CCSER1: variants seen among roughly 807,000 people sequenced by gnomAD.
The protein encoded by CCSER1 is serine-rich coiled-coil domain-containing protein 1.
A neutral mutation model predicts 82.0 loss-of-function variants in CCSER1; 41 were observed. The observed-to-expected ratio is 0.50, with a 90% CI of 0.39 to 0.65. The LOEUF is 0.65. Ranked by LOEUF, CCSER1 falls within the 30% of genes least tolerant of loss-of-function variation. CCSER1 has a pLI of 0.00. For synonymous variants in CCSER1, 414 were observed against 383.9 expected (o/e 1.08, Z -0.92); for missense variants, 1,119 against 1,064.2 (o/e 1.05, Z -0.72).
intron 1 of CCSER1, among the ~76,000 whole-genome samples, chr4:90,209,560 C>T (rs1739549816): frequency 6.6e-6 from 1 of 152,072 alleles, no homozygotes; most frequent in East Asian, 1.9e-4. Flanking sequence ...AAAAATAATA[C>T]TAGATTTCTC....
At chr4:90,841,577 C>CAAAA (rs750390139) in intron 8 of CCSER1, among the ~76,000 whole-genome samples, 6 of 50,782 alleles carry the variant, frequency 1.2e-4, no homozygotes, top group African/African-American at 3.5e-4. Context: ...GACTCTGTCT[C>CAAAA]AAAAAAAAAA....
intron 9 of CCSER1, among the ~76,000 whole-genome samples, chr4:90,984,761 T>C (rs1448058835): frequency 1.3e-5 from 2 of 151,740 alleles, no homozygotes; most frequent in Admixed American, 1.3e-4. Flanking sequence ...ATTATATCCA[T>C]TGCATCTCTT....
chr4:91,586,196 C>T (rs1763983511), intron 10 of CCSER1, among the ~76,000 whole-genome samples: 1 of 151,490 alleles, frequency 6.6e-6, no homozygotes, highest in South Asian at 2.1e-4. Flanking sequence ...GAAAACCAGA[C>T]ATGATGCAAT....
intron 5 of CCSER1, among the ~76,000 whole-genome samples, chr4:90,533,258 C>CT (rs527903434): frequency 2.4e-3 from 359 of 147,480 alleles, no homozygotes; most frequent in East Asian, 3.6e-3. Flanking sequence ...CGCCTGGCAA[C>CT]TTTTTTTTTT....
chr4:90,915,863 A>G (rs1332493778), intron 8 of CCSER1, among the ~76,000 whole-genome samples: 1 of 151,950 alleles, frequency 6.6e-6, no homozygotes, highest in Non-Finnish European at 1.5e-5. Flanking sequence ...ATTCTTATAC[A>G]CCAATAACAG....
At chr4:90,930,984 A>C (rs1379208488) in intron 9 of CCSER1, among the ~76,000 whole-genome samples, 2 of 146,768 alleles carry the variant, frequency 1.4e-5, no homozygotes, top group Non-Finnish European at 3.0e-5. Flanking sequence ...ATGTACATAT[A>C]TATTGACATA....
At chr4:90,210,034 AAGT>A in intron 1 of CCSER1, among the ~76,000 whole-genome samples, 1 of 152,136 alleles carries the variant, frequency 6.6e-6, no homozygotes, top group Non-Finnish European at 1.5e-5. Flanking sequence ...AATGTTAGCA[AAGT>A]AAACACTTGG....
rs550822356 is a variant in CCSER1, at chr4:90,242,307, A to AAAAAG, written c.-41-65919_-41-65915dup. 4.8e-3 allele frequency among the ~76,000 whole-genome samples: 733 copies of AAAAAG among 152,266 alleles called. 6 individuals carry two copies. Among genetic ancestry groups the AAAAAG allele is most frequent in the African/African-American group, 0.016 (679 of 41,538 alleles). On this transcript the variant is annotated intron_variant, in intron 1 of 10. Coordinates refer to ENST00000509176, the MANE Select transcript of CCSER1 (RefSeq NM_001145065.2). ...GGGCTACAGAGCAAGACTCCGTCTC[A>AAAAAG]AAAAGAAAAGAAAAGAAAAGAACAA... is the stretch of plus-strand genomic sequence containing the variant.
At chr4:91,101,038 AAAAG>A (rs1725007812) in intron 10 of CCSER1, among the ~76,000 whole-genome samples, 2 of 152,232 alleles carry the variant, frequency 1.3e-5, no homozygotes, top group African/African-American at 4.8e-5. Context: ...AACAGGAAAA[AAAAG>A]AGAGAAAGGA....
Position 91,115,806 on chromosome 4 carries a change from C to CT in CCSER1, c.2217+29831dup, listed in dbSNP as rs527629667. Among the ~76,000 whole-genome samples the CT allele has an allele frequency of 3.4e-3, 345 of 101,552 alleles. 1 individual carries two copies. The highest frequency in any genetic ancestry group is 5.1e-3 in the African/African-American group (132 of 26,134). 66.6% of individuals were successfully genotyped at this position (101,552 alleles called of 152,430 possible). On this transcript the variant is annotated intron_variant, in intron 10 of 10. Transcript: ENST00000509176. ...TGCTCCCTGCCTATCCTAGCTTTTT[C>CT]TTTTTTTTTTTTTTTTTTTCAAATT...
chr4:90,412,881 A>G (rs72659495), intron 4 of CCSER1, among the ~76,000 whole-genome samples: 6,353 of 152,300 alleles, frequency 0.042, 203 homozygotes, highest in Non-Finnish European at 0.062. Context: ...ACTACTATTC[A>G]ACATGGTACT....
intron 10 of CCSER1, among the ~76,000 whole-genome samples, chr4:91,441,366 A>T (rs959342651): frequency 2.0e-5 from 3 of 152,216 alleles, no homozygotes; most frequent in African/African-American, 7.2e-5. Context: ...CCAAAGACAA[A>T]AACCACATGA....
intron 3 of CCSER1, among the ~76,000 whole-genome samples, chr4:90,317,631 T>TA (rs1255692331): frequency 4.6e-5 from 7 of 151,952 alleles, no homozygotes; most frequent in African/African-American, 1.7e-4. Flanking sequence ...CAAAAATAAA[T>TA]AAATAAAATA....
At chr4:91,577,844 T>A (rs1292186094) in intron 10 of CCSER1, among the ~76,000 whole-genome samples, 1 of 152,054 alleles carries the variant, frequency 6.6e-6, no homozygotes, top group Non-Finnish European at 1.5e-5. Context: ...TGTGCATACA[T>A]TTTTGCTTTT....
Position 91,013,737 on chromosome 4 carries a change from G to A in CCSER1, c.2173-72213G>A, listed in dbSNP as rs530134476. On this transcript the variant is annotated intron_variant, in intron 9 of 10. Coordinates refer to ENST00000509176, the MANE Select transcript of CCSER1 (RefSeq NM_001145065.2). ...CCTGCCTCAGGCTCCCGAGCAGCTGGGACTCCAGGCACCTGTCACCACGCC... is the reference window on the plus strand; with the variant it reads ...CCTGCCTCAGGCTCCCGAGCAGCTGAGACTCCAGGCACCTGTCACCACGCC... 2.1e-3 allele frequency among the ~76,000 whole-genome samples: 273 copies of A among 126,984 alleles called. 16 individuals carry two copies. Among genetic ancestry groups the A allele is most frequent in the African/African-American group, 6.5e-3 (254 of 39,272 alleles). 83.3% of individuals were successfully genotyped at this position (126,984 alleles called of 152,430 possible).
chr4:91,547,637 T>C (rs1470852865), intron 10 of CCSER1, among the ~76,000 whole-genome samples: 2 of 152,348 alleles, frequency 1.3e-5, no homozygotes, highest in South Asian at 2.1e-4. Flanking sequence ...TCTGACAATC[T>C]GTCTTATAAT....
intron 10 of CCSER1, among the ~76,000 whole-genome samples, chr4:91,313,236 TATAAC>T (rs1472784721): frequency 4.6e-5 from 7 of 151,930 alleles, no homozygotes; most frequent in East Asian, 1.9e-4. Context: ...TATAATTAGT[TATAAC>T]ATATTCTAAT....
chr4:90,897,963 A>AT (rs564103895), intron 8 of CCSER1, among the ~76,000 whole-genome samples: 125 of 151,382 alleles, frequency 8.3e-4, no homozygotes, highest in Admixed American at 3.4e-3. Flanking sequence ...GGAGTTATTT[A>AT]TTTTTTCTTG....
chr4:90,413,547 G>C (rs946573215), intron 4 of CCSER1, among the ~76,000 whole-genome samples: 7 of 152,148 alleles, frequency 4.6e-5, no homozygotes, highest in Non-Finnish European at 8.8e-5. Context: ...AAATTATAAG[G>C]CCATAGTCAC....
Sources: allele counts gnomAD v4.1 joint callset (sites outside exome capture counted in the v4.1 genomes callset), GRCh38; gene constraint gnomAD v4.1.1; transcripts MANE v1.5; gene names NCBI Gene and HGNC (gene_info 2026-07-23, HGNC 2026-07-21).